DCAF4: variants seen among roughly 807,000 people sequenced by gnomAD.
DCAF4 encodes the protein DDB1- and CUL4-associated factor 4.
In DCAF4, 37 loss-of-function variants were observed where a neutral mutation model predicts 60.9. The observed-to-expected ratio is 0.61, with a 90% CI of 0.47 to 0.80. The LOEUF is 0.80. Ranked by LOEUF, DCAF4 falls within the 30% of genes least tolerant of loss-of-function variation. The probability of loss-of-function intolerance (pLI) is 0.00; values close to 1 mark genes in which losing one functional copy is unlikely to be tolerated. For missense variants in DCAF4, 577 were observed against 650.0 expected, an observed-to-expected ratio of 0.89 and a Z score of 1.22; for synonymous variants, 243 against 254.8, an observed-to-expected ratio of 0.95 and a Z score of 0.44.
chr14:72,942,036 C>A, intron 5 of DCAF4: 1 of 513,808 alleles, frequency 1.9e-6, no homozygotes, highest in Non-Finnish European at 3.4e-6. Flanking sequence ...GGGACTCTTG[C>A]AGGAGGATAG....
chr14:72,928,145 C>T (rs1001278020), intron 1 of DCAF4, among the ~76,000 whole-genome samples: 2 of 138,134 alleles, frequency 1.4e-5, no homozygotes, highest in African/African-American at 5.5e-5. Context: ...GTGGCGTTAG[C>T]GTTTTGCACA....
intron 1 of DCAF4, among the ~76,000 whole-genome samples, chr14:72,936,106 A>G (rs1403028878): frequency 1.3e-5 from 2 of 152,138 alleles, no homozygotes; most frequent in African/African-American, 2.4e-5. Flanking sequence ...ACCAGTCTTA[A>G]CACTGGCCAC....
intron 3 of DCAF4, 147 bp downstream of exon 3, chr14:72,940,049 C>A: frequency 6.8e-6 from 8 of 1,168,206 alleles, no homozygotes; most frequent in Non-Finnish European, 9.7e-6. Context: ...TGAGGCAAAC[C>A]GCCTCCCCCA....
intron 1 of DCAF4, among the ~76,000 whole-genome samples, chr14:72,936,584 C>T (rs1378654482): frequency 2.0e-5 from 3 of 147,218 alleles, no homozygotes; most frequent in Non-Finnish European, 4.5e-5. Flanking sequence ...AAAAAATACA[C>T]ACACATTTGG....
intron 9 of DCAF4, among the ~76,000 whole-genome samples, chr14:72,953,733 ATATATAT>A (rs376538808): frequency 0.18 from 4,357 of 24,674 alleles, 1,299 homozygotes; most frequent in East Asian, 0.24. Flanking sequence ...AAAAAAAAAA[ATATATAT>A]ATATATATAT....
chr14:72,935,029 C>T (rs975090349), intron 1 of DCAF4: 1 of 152,184 alleles, frequency 6.6e-6, no homozygotes, highest in East Asian at 1.9e-4. Flanking sequence ...ACAGAATTCA[C>T]CTCACGTCCA....
Sources: gnomAD v4.1 joint callset for allele counts (sites outside exome capture counted in the v4.1 genomes callset) on GRCh38, gnomAD v4.1.1 for gene constraint, MANE v1.5 for transcripts, NCBI Gene and HGNC (gene_info 2026-07-23, HGNC 2026-07-21) for gene names.